The following CALHM3 variants were observed in gnomAD, a reference collection of about 807,000 sequenced individuals.
CALHM3 encodes the protein calcium homeostasis modulator protein 3.
CALHM3 carries 9 observed loss-of-function variants against 13.6 expected under a neutral mutation model. That is an observed-to-expected ratio of 0.66 (90% CI 0.40 to 1.15). The LOEUF (loss-of-function observed/expected upper bound fraction) is 1.15. CALHM3 is among the 50% of genes most tolerant of loss of function. The probability of loss-of-function intolerance (pLI) is 0.01; values close to 1 mark genes in which losing one functional copy is unlikely to be tolerated. For synonymous variants in CALHM3, 231 were observed against 213.2 expected (o/e 1.08, Z -0.73); for missense variants, 497 against 463.4 (o/e 1.07, Z -0.67).
chr10:103,477,030 A>C (rs2860194), intron 1 of CALHM3, among the ~76,000 whole-genome samples: 133,772 of 152,282 alleles, frequency 0.88, 59,086 homozygotes, highest in East Asian at 1. Context: ...CTCAGTGGGA[A>C]AATTCTGAGA....
In CALHM3 at chr10:103,473,032, G is replaced by T; in HGVS notation, c.*181C>A. On this transcript the variant is annotated 3_prime_UTR_variant, in exon 3 of 3. Coordinates refer to ENST00000369783, the MANE Select transcript of CALHM3 (RefSeq NM_001129742.2). The stretch of plus-strand genomic sequence containing the variant: ...CTCGGTGAACCGAGTCCACATTAAA[G>T]TTTGTGAAGCGCGCTGGAGGCCACA... 1 of 564,986 alleles carries T rather than the reference G, an allele frequency of 1.8e-6. No homozygotes were observed. The highest frequency in any genetic ancestry group is 2.7e-6 in the Non-Finnish European group (1 of 377,044). 35.0% of individuals were successfully genotyped at this position (564,986 alleles called of 1,614,324 possible).
intron 2 of CALHM3, among the ~76,000 whole-genome samples, chr10:103,474,824 A>G (rs182924382): frequency 3.1e-4 from 47 of 152,256 alleles, no homozygotes; most frequent in Non-Finnish European, 5.6e-4. Flanking sequence ...CCATTTAGGC[A>G]TCCACTGTGC....
In CALHM3 at chr10:103,473,464, C is replaced by A; in HGVS notation, c.784G>T (p.Gly262Cys). 6 of 1,539,996 alleles carry A rather than the reference C, an allele frequency of 3.9e-6. No homozygotes were observed. Among genetic ancestry groups the A allele is most frequent in the Non-Finnish European group, 5.2e-6 (6 of 1,143,334 alleles). ...SELQARGLRR[G>C]NAGRRLELPA... ...AGCTCGAGTCTCCTGCCTGCATTGC[C>A]CCGGCGCAGCCCCCGCGCCTGCAGC... Residue 262 changes from glycine (G) to cysteine (C), a missense_variant, in exon 3 of 3, where the codon GGC (glycine) becomes TGC (cysteine). Gly to Cys is a radical substitution (Grantham distance 159). Transcript: ENST00000369783.
Position 103,473,277 on chromosome 10 carries a change from C to A in CALHM3, c.971G>T (p.Gly324Val). The A allele has an allele frequency of 6.9e-7, 1 of 1,458,678 alleles. No homozygotes were observed. The highest frequency in any genetic ancestry group is 9.1e-7 in the Non-Finnish European group (1 of 1,102,562). 90.4% of individuals were successfully genotyped at this position (1,458,678 alleles called of 1,614,324 possible). Residue 324 changes from glycine (G) to valine (V), a missense_variant, in exon 3 of 3, where the codon GGC becomes GTC. Coordinates refer to ENST00000369783, the MANE Select transcript of CALHM3 (RefSeq NM_001129742.2). ...CAAGGTAGGGGCGCGGTGGCTAAGG[C>A]CACCCCCGCAGAGCCCGGGGGATGC... ...LAASPGLCGG[G>V]LSHRAPTLAL...
At position 103,473,441 on chromosome 10, in the gene CALHM3, CTCGAG is replaced by C. The variant is rs765122419; in HGVS notation, c.802_806del (p.Leu268AlafsTer6). 2 of 1,532,520 alleles carry C rather than the reference CTCGAG, an allele frequency of 1.3e-6. No individual in the cohort carries two copies. Among genetic ancestry groups the C allele is most frequent in the South Asian group, 2.5e-5 (2 of 80,744 alleles). The allele number at this position is 1,532,520 out of a possible 1,614,324, so 94.9% of individuals were successfully genotyped here. On this transcript the variant is annotated frameshift_variant, in exon 3 of 3. Transcript: ENST00000369783. LOFTEE classifies it low-confidence loss of function (END_TRUNC). ...CTGGGGGCTCAGGCACTGCGGGGAG[CTCGAG>C]TCTCCTGCCTGCATTGCCCCGGCGC... is the stretch of plus-strand genomic sequence containing the variant.
At chr10:103,473,732 A>T in intron 2 of CALHM3, 28 bp from the exon 3 acceptor site, 1 of 1,528,114 alleles carries the variant, frequency 6.5e-7, no homozygotes. Context: ...CCGAGGTTAG[A>T]TGTGAGTGGG....
At chr10:103,476,924 G>T (rs1292805495) in intron 1 of CALHM3, among the ~76,000 whole-genome samples, 1 of 152,202 alleles carries the variant, frequency 6.6e-6, no homozygotes, top group Non-Finnish European at 1.5e-5. Flanking sequence ...GCTCCAGAGA[G>T]GGGTAGGCTG....
At chr10:103,476,261 G>T (rs1428798268) in intron 2 of CALHM3, 33 bp downstream of exon 2, 5 of 1,548,588 alleles carry the variant, frequency 3.2e-6, no homozygotes, top group East Asian at 2.4e-5. Flanking sequence ...ATTTGTGAGG[G>T]TGCAAGGGCC....
In CALHM3 at chr10:103,473,053, C is replaced by T; in HGVS notation, c.*160G>A. 1 of 746,374 alleles carries T rather than the reference C, an allele frequency of 1.3e-6. No individual in the cohort carries two copies. Among genetic ancestry groups the T allele is most frequent in the Non-Finnish European group, 1.9e-6 (1 of 539,996 alleles). The allele number at this position is 746,374 out of a possible 1,614,324, so 46.2% of individuals were successfully genotyped here. On this transcript the variant is annotated 3_prime_UTR_variant, in exon 3 of 3. Transcript: ENST00000369783. ...TAAAGTTTGTGAAGCGCGCTGGAGG[C>T]CACACCCAGAAACTAGGCAGAGATT...
In CALHM3 at chr10:103,472,924, AT is replaced by A; in HGVS notation, c.*288del. 1 of 349,562 alleles carries A rather than the reference AT, an allele frequency of 2.9e-6. No individual in the cohort carries two copies. Among genetic ancestry groups the A allele is most frequent in the Non-Finnish European group, 5.1e-6 (1 of 195,838 alleles). 21.7% of individuals were successfully genotyped at this position (349,562 alleles called of 1,614,324 possible). On this transcript the variant is annotated 3_prime_UTR_variant, in exon 3 of 3. Transcript: ENST00000369783. ...AGTTTGGTTCACTGACCAAAAGCAC[AT>A]CAGCCTCCAGGAGCTTGTTTAAAAT...
chr10:103,476,476 C>A lies in CALHM3; in HGVS notation c.361G>T (p.Gly121Trp), dbSNP rs776368667. 9 of 1,551,498 alleles carry A rather than the reference C, an allele frequency of 5.8e-6. No individual in the cohort carries two copies. Among genetic ancestry groups the A allele is most frequent in the African/African-American group, 4.1e-5 (3 of 73,046 alleles). ...CTGAAGGCACACACGAAGCACTTCC[C>A]GTCAAGGAGGGCCAGCAGGATCCAG... ...LVWILLALLD[G>W]KCFVCAFSSS... is the part of the protein sequence containing the mutation. The change falls in exon 2 of 3, where the codon GGG becomes TGG. Residue 121 changes from glycine (G) to tryptophan (W), a missense_variant. Gly to Trp is a radical substitution (Grantham distance 184). Transcript: ENST00000369783.
At position 103,478,856 on chromosome 10, in the gene CALHM3, G is replaced by A; in HGVS notation, c.177C>T (p.Pro59=). The A allele has an allele frequency of 1.3e-6, 2 of 1,551,720 alleles. No homozygotes were observed. Among genetic ancestry groups the A allele is most frequent in the Non-Finnish European group, 1.7e-6 (2 of 1,147,002 alleles). The stretch of plus-strand genomic sequence containing the variant: ...GGCCGCAGAGAAACAGGGCGAGCGG[G>A]GGCGTCAGCAGCAGGCCCAGGCCGT... The part of the protein sequence containing the change: ...ALYGLGLLLT[P]PLALFLCGLL... Residue 59 remains proline, a synonymous_variant, in exon 1 of 3, where the codon CCC becomes CCT. Transcript: ENST00000369783.
chr10:103,475,207 C>T (rs1440714056), intron 2 of CALHM3, among the ~76,000 whole-genome samples: 6 of 152,190 alleles, frequency 3.9e-5, no homozygotes, highest in South Asian at 4.1e-4. Context: ...AGGGAAGTCA[C>T]GTCTCTAAAC....
Position 103,473,399 on chromosome 10 carries a change from T to G in CALHM3, c.849A>C (p.Gly283=). The G allele has an allele frequency of 6.7e-7, 1 of 1,501,234 alleles. No individual in the cohort carries two copies. Among genetic ancestry groups the G allele is most frequent in the South Asian group, 1.3e-5 (1 of 76,466 alleles). The allele number at this position is 1,501,234 out of a possible 1,614,324, so 93.0% of individuals were successfully genotyped here. The part of the protein sequence containing the change: ...VPEPPEGLDS[G]SGKAHLRAIS... ...TTGCGCGCAGGTGGGCCTTCCCACT[T>G]CCACTATCCAGGCCTTCTGGGGGCT... Residue 283 remains glycine, a synonymous_variant, in exon 3 of 3, where the codon GGA becomes GGC. Coordinates refer to ENST00000369783, the MANE Select transcript of CALHM3 (RefSeq NM_001129742.2).
At position 103,479,116 on chromosome 10, in the gene CALHM3, C is replaced by A; in HGVS notation, c.-84G>T. The A allele has an allele frequency of 7.1e-7, 1 of 1,415,600 alleles. No individual in the cohort carries two copies. Among genetic ancestry groups the A allele is most frequent in the Non-Finnish European group, 9.5e-7 (1 of 1,053,926 alleles). The allele number at this position is 1,415,600 out of a possible 1,614,324, so 87.7% of individuals were successfully genotyped here. A position where few individuals can be genotyped will look rare whatever the true frequency, so the allele number is the denominator to read the frequency against. ...TTCCTGGTGTCTGCTGTGCTGGGGA[C>A]GAGCCTGGGATCTGCAAGAGGTTCT... On this transcript the variant is annotated 5_prime_UTR_variant, in exon 1 of 3. Transcript: ENST00000369783.
In CALHM3 at chr10:103,473,357, C is replaced by G; in HGVS notation, c.891G>C (p.Gln297His). 1.3e-6 allele frequency: 2 copies of G among 1,498,700 alleles called. No homozygotes were observed. The highest frequency in any genetic ancestry group is 1.8e-6 in the Non-Finnish European group (2 of 1,118,566). 92.8% of individuals were successfully genotyped at this position (1,498,700 alleles called of 1,614,324 possible). A position where few individuals can be genotyped will look rare whatever the true frequency, so the allele number is the denominator to read the frequency against. Residue 297 changes from glutamine (Q) to histidine (H), a missense_variant, in exon 3 of 3, where the codon CAG (glutamine) becomes CAC (histidine). By Grantham distance (24) the Gln-to-His change is conservative. Transcript: ENST00000369783. ...AHLRAISSRE[Q>H]VDRLLSTWYS... is the part of the protein sequence containing the mutation. ...ACCACGTGCTTAGGAGGCGGTCCAC[C>G]TGCTCCCGGCTGGAGATTGCGCGCA...
chr10:103,475,315 C>T (rs1290373222), intron 2 of CALHM3, among the ~76,000 whole-genome samples: 1 of 152,222 alleles, frequency 6.6e-6, no homozygotes, highest in Non-Finnish European at 1.5e-5. Context: ...CCCAACATCA[C>T]CAGATTTAAG....
In CALHM3 at chr10:103,478,850, G is replaced by C; in HGVS notation, c.183C>G (p.Leu61=). 6.4e-7 allele frequency: 1 copy of C among 1,551,698 alleles called. No individual in the cohort carries two copies. Among genetic ancestry groups the C allele is most frequent in the Non-Finnish European group, 8.7e-7 (1 of 1,147,000 alleles). The change falls in exon 1 of 3, where the codon CTC becomes CTG. Residue 61 remains leucine, a synonymous_variant. Coordinates refer to ENST00000369783, the MANE Select transcript of CALHM3 (RefSeq NM_001129742.2). ...CGAGGAGGCCGCAGAGAAACAGGGC[G>C]AGCGGGGGCGTCAGCAGCAGGCCCA... ...YGLGLLLTPP[L]ALFLCGLLAN...
chr10:103,478,529 A>G (rs1564796251), intron 1 of CALHM3, among the ~76,000 whole-genome samples: 1 of 152,218 alleles, frequency 6.6e-6, no homozygotes, highest in Non-Finnish European at 1.5e-5. Context: ...GAACAGAAAT[A>G]TGTTTCCAGA....
Sources: allele counts gnomAD v4.1 joint callset (sites outside exome capture counted in the v4.1 genomes callset), GRCh38; gene constraint gnomAD v4.1.1; transcripts MANE v1.5; gene names NCBI Gene and HGNC (gene_info 2026-07-23, HGNC 2026-07-21).